SPECC1: variants seen among roughly 807,000 people sequenced by gnomAD.
SPECC1 encodes cytospin-B.
SPECC1 carries 62 observed loss-of-function variants against 104.1 expected under a neutral mutation model. That is an observed-to-expected ratio of 0.60 (90% confidence interval 0.49 to 0.74). The LOEUF (loss-of-function observed/expected upper bound fraction) is 0.74. SPECC1 is among the 30% of genes least tolerant of loss of function. SPECC1 has a pLI of 0.00. For missense variants in SPECC1, 1,306 were observed against 1,310.5 expected (o/e 1.00, Z 0.05); for synonymous variants, 513 against 501.6 (o/e 1.02, Z -0.30).
intron 3 of SPECC1, among the ~76,000 whole-genome samples, chr17:20,144,027 C>T (rs891714003): frequency 6.6e-6 from 1 of 152,106 alleles, no homozygotes; most frequent in African/African-American, 2.4e-5. Flanking sequence ...ATAAAGAGCA[C>T]ACTATGTGAG....
rs1172164074 is a variant in SPECC1, at chr17:20,077,461, TG to T, written c.-21-19169del. Among the ~76,000 whole-genome samples the T allele has an allele frequency of 8.2e-3, 1,249 of 151,866 alleles. 22 individuals carry two copies. The highest frequency in any genetic ancestry group is 0.029 in the African/African-American group (1,197 of 41,292). On this transcript the variant is annotated intron_variant, in intron 1 of 14. Coordinates refer to ENST00000395527, the MANE Select transcript of SPECC1 (RefSeq NM_001243439.2). Reference sequence around the variant, plus strand: ...ATAGCTTTTGTGGCTTTTTTTTGTTTGTTTGTTTTGTTTTTTTGTTTTTGAG... The same window carrying T: ...ATAGCTTTTGTGGCTTTTTTTTGTTTTTTGTTTTGTTTTTTTGTTTTTGAG...
chr17:20,045,431 C>CT (rs11416006), intron 1 of SPECC1, among the ~76,000 whole-genome samples: 10,515 of 152,158 alleles, frequency 0.069, 986 homozygotes, highest in African/African-American at 0.21. Context: ...GGATTGATAT[C>CT]TAAGAGTGGA....
chr17:20,145,727 C>G (rs143065172), intron 3 of SPECC1, among the ~76,000 whole-genome samples: 2 of 152,324 alleles, frequency 1.3e-5, no homozygotes, highest in East Asian at 3.9e-4. Flanking sequence ...CATGAAGGAT[C>G]TACTACTCAG....
intron 14 of SPECC1, among the ~76,000 whole-genome samples, chr17:20,309,046 G>A (rs550288746): frequency 1.3e-5 from 2 of 152,250 alleles, no homozygotes; most frequent in Admixed American, 6.5e-5. Context: ...CAGAGCCAGG[G>A]GTTTCATTGG....
intron 3 of SPECC1, among the ~76,000 whole-genome samples, chr17:20,143,426 G>A (rs1333624810): frequency 6.6e-6 from 1 of 151,750 alleles, no homozygotes; most frequent in Non-Finnish European, 1.5e-5. Flanking sequence ...GCTCATGCCT[G>A]TAATCCCAGC....
At chr17:20,208,318 T>C (rs2036915744) in intron 4 of SPECC1, among the ~76,000 whole-genome samples, 1 of 152,240 alleles carries the variant, frequency 6.6e-6, no homozygotes, top group African/African-American at 2.4e-5. Flanking sequence ...GGTTTGTGAT[T>C]TTGTGCTGTC....
chr17:20,078,479 G>A (rs991790557), intron 1 of SPECC1, among the ~76,000 whole-genome samples: 14 of 152,178 alleles, frequency 9.2e-5, no homozygotes, highest in African/African-American at 2.9e-4. Context: ...TACTCATGAC[G>A]TGTCATTTCC....
At chr17:20,206,099 C>T (rs550257548) in intron 4 of SPECC1, among the ~76,000 whole-genome samples, 187 bp downstream of exon 4, 1 of 152,220 alleles carries the variant, frequency 6.6e-6, no homozygotes, top group South Asian at 2.1e-4. Context: ...AAGGAAACAC[C>T]CAAATTTCTG....
intron 3 of SPECC1, among the ~76,000 whole-genome samples, chr17:20,176,710 C>T (rs1466935785): frequency 6.6e-6 from 1 of 152,118 alleles, no homozygotes; most frequent in Non-Finnish European, 1.5e-5. Flanking sequence ...GAGTATATTG[C>T]TTCAACCTCT....
At chr17:20,192,035 CA>C (rs1344709999) in intron 3 of SPECC1, among the ~76,000 whole-genome samples, 2 of 152,116 alleles carry the variant, frequency 1.3e-5, no homozygotes, top group Non-Finnish European at 2.9e-5. Flanking sequence ...CTCCTGGGCT[CA>C]AGTGATCCTT....
At chr17:20,066,931 T>TTTG (rs374038518) in intron 1 of SPECC1, among the ~76,000 whole-genome samples, 8,812 of 147,666 alleles carry the variant, frequency 0.06, 357 homozygotes, top group African/African-American at 0.11. Context: ...TTTTTTTTTT[T>TTTG]GGTAGAGATA....
At position 20,031,194 on chromosome 17, in the gene SPECC1, C is replaced by T. The variant is rs1044125931; in HGVS notation, c.-22+21770C>T. On this transcript the variant is annotated intron_variant, in intron 1 of 14. Transcript: ENST00000395527. ...ATTTTTAGCAGAGACAGGGTTTTGC[C>T]ATGTTGGCCAGGCTGGTCTCAAACT... Among the ~76,000 whole-genome samples the T allele has an allele frequency of 3.3e-5, 5 of 152,252 alleles. No homozygotes were observed. In the South Asian group the frequency reaches 1.0e-3, roughly 32 times the overall value.
At chr17:20,221,002 A>C (rs891316920) in intron 4 of SPECC1, among the ~76,000 whole-genome samples, 1 of 152,198 alleles carries the variant, frequency 6.6e-6, no homozygotes, top group Non-Finnish European at 1.5e-5. Flanking sequence ...TTGCATCCCT[A>C]GGATAAATCC....
Position 20,205,908 on chromosome 17 carries a change from C to T in SPECC1, c.1859C>T (p.Ala620Val). 1 of 1,605,976 alleles carries T rather than the reference C, an allele frequency of 6.2e-7. No individual in the cohort carries two copies. Among genetic ancestry groups the T allele is most frequent in the East Asian group, 2.2e-5 (1 of 44,860 alleles). The change falls in exon 4 of 15, where the codon GCC becomes GTC. Residue 620 changes from alanine (A) to valine (V), a missense_variant. Coordinates refer to ENST00000395527, the MANE Select transcript of SPECC1 (RefSeq NM_001243439.2). ...GEIKHVSSLL[A>V]KVEKDYSYLK... Reference sequence around the variant, plus strand: ...ATTAAACATGTTTCCAGTCTGCTGGCCAAGGTGAGAAGAGACAGCTCTTTA... The same window carrying T: ...ATTAAACATGTTTCCAGTCTGCTGGTCAAGGTGAGAAGAGACAGCTCTTTA...
intron 7 of SPECC1, chr17:20,237,171 A>G: frequency 7.5e-7 from 1 of 1,339,048 alleles, no homozygotes; most frequent in Non-Finnish European, 9.6e-7. Flanking sequence ...AAGTTCTGAA[A>G]AAAACAAAGT....
At chr17:20,270,717 T>C (rs2040380809) in intron 12 of SPECC1, among the ~76,000 whole-genome samples, 1 of 152,134 alleles carries the variant, frequency 6.6e-6, no homozygotes, top group Admixed American at 6.5e-5. Context: ...CAAATTTTTG[T>C]AAAGTAAGTT....
chr17:20,308,475 G>A (rs1215318473), intron 14 of SPECC1, among the ~76,000 whole-genome samples: 1 of 150,844 alleles, frequency 6.6e-6, no homozygotes, highest in Non-Finnish European at 1.5e-5. Flanking sequence ...CATCTATTGT[G>A]AAATCTTACC....
chr17:20,137,555 TA>T (rs1195845633), intron 3 of SPECC1, among the ~76,000 whole-genome samples: 3 of 152,206 alleles, frequency 2.0e-5, no homozygotes, highest in African/African-American at 7.2e-5. Flanking sequence ...AAAACAAACT[TA>T]AAAAAATCCA....
intron 7 of SPECC1, among the ~76,000 whole-genome samples, chr17:20,243,748 T>G (rs1405468268): frequency 1.3e-5 from 2 of 152,214 alleles, no homozygotes; most frequent in African/African-American, 4.8e-5. Flanking sequence ...CTTTTTAAAT[T>G]TATCATTTGA....
Sources: gnomAD v4.1 joint callset for allele counts (sites outside exome capture counted in the v4.1 genomes callset) on GRCh38, gnomAD v4.1.1 for gene constraint, MANE v1.5 for transcripts, NCBI Gene and HGNC (gene_info 2026-07-23, HGNC 2026-07-21) for gene names.